The following NCAM1 variants were observed in gnomAD, a reference collection of about 807,000 sequenced individuals.
NCAM1 encodes antigen recognized by monoclonal antibody 5.1H11.
NCAM1 carries 14 observed loss-of-function variants against 109.8 expected under a neutral mutation model. The ratio of observed to expected loss-of-function variants is 0.13; its 90% CI spans 0.08 to 0.20. The LOEUF (loss-of-function observed/expected upper bound fraction) is 0.20. NCAM1 is among the 10% of genes least tolerant of loss of function. The pLI is 1.00. For missense variants in NCAM1, 774 were observed against 1,109.9 expected (o/e 0.70, Z 4.30); for synonymous variants, 418 against 442.9 (o/e 0.94, Z 0.70).
Position 113,154,716 on chromosome 11 carries a change from C to T in NCAM1, c.53-47663C>T, listed in dbSNP as rs1942348624. On this transcript the variant is annotated intron_variant, in intron 1 of 19. Transcript: ENST00000316851. ...GAAAGCTGAAGTTCATACCTGGTCACCTTACTTTCTTGATAAAGGAAGAAG... is the reference window on the plus strand; with the variant it reads ...GAAAGCTGAAGTTCATACCTGGTCATCTTACTTTCTTGATAAAGGAAGAAG... Among the ~76,000 whole-genome samples the T allele has an allele frequency of 2.6e-5, 4 of 152,114 alleles. No individual in the cohort carries two copies. In the South Asian group the frequency reaches 8.3e-4, roughly 32 times the overall value.
At chr11:112,972,266 A>G (rs7110628) in intron 1 of NCAM1, among the ~76,000 whole-genome samples, 21,300 of 152,138 alleles carry the variant, frequency 0.14, 1,536 homozygotes, top group African/African-American at 0.16. Flanking sequence ...GGAAGACTCA[A>G]AGATGGTAGT....
chr11:113,206,365 G>A (rs1555112884), intron 5 of NCAM1, among the ~76,000 whole-genome samples, 185 bp downstream of exon 5: 1 of 137,096 alleles, frequency 7.3e-6, no homozygotes, highest in Non-Finnish European at 1.5e-5. Context: ...TAATATACTT[G>A]CCTGTTGGAT....
intron 1 of NCAM1, among the ~76,000 whole-genome samples, chr11:113,169,786 C>A (rs1555105921): frequency 6.6e-6 from 1 of 152,026 alleles, no homozygotes; most frequent in African/African-American, 2.4e-5. Context: ...TGCCACATGT[C>A]CGCCTAATTT....
Position 113,255,945 on chromosome 11 carries a change from A to G in NCAM1, c.1897A>G (p.Ile633Val), listed in dbSNP as rs1945821344. Reference protein sequence around the residue: ...EDGNSIKVNLIKQDDGGSPIR... With the variant: ...EDGNSIKVNLVKQDDGGSPIR... The stretch of plus-strand genomic sequence containing the variant: ...TGGAAACTCTATTAAAGTGAACCTG[A>G]TCAAGCAGGATGACGGCGGCTCCCC... The change falls in exon 16 of 20, where the codon ATC becomes GTC. Residue 633 changes from isoleucine (I) to valine (V), a missense_variant. Physicochemically the swap from Ile to Val is conservative, Grantham distance 29. This residue lies in a region of NCAM1 where 523 missense variants were observed against 784.2 expected (regional missense o/e 0.67). Transcript: ENST00000316851. 1 of 1,609,476 alleles carries G rather than the reference A, an allele frequency of 6.2e-7. No individual in the cohort carries two copies. The highest frequency in any genetic ancestry group is 8.5e-7 in the Non-Finnish European group (1 of 1,178,102).
intron 1 of NCAM1, among the ~76,000 whole-genome samples, chr11:113,121,728 A>G (rs2005086): frequency 0.78 from 118,379 of 151,920 alleles, 46,316 homozygotes; most frequent in Middle Eastern, 0.9. Flanking sequence ...CTCCAGGAAA[A>G]TAGAATCAAC....
intron 1 of NCAM1, among the ~76,000 whole-genome samples, chr11:113,157,793 C>G (rs1942468294): frequency 6.6e-6 from 1 of 151,878 alleles, no homozygotes; most frequent in Non-Finnish European, 1.5e-5. Flanking sequence ...TTTATTTTTG[C>G]AAATTATTTT....
At chr11:113,177,879 T>C (rs1555107335) in intron 1 of NCAM1, among the ~76,000 whole-genome samples, 2 of 152,098 alleles carry the variant, frequency 1.3e-5, no homozygotes, top group Non-Finnish European at 2.9e-5. Flanking sequence ...CTCTTGCTTG[T>C]TACCGTCACA....
chr11:113,237,071 G>C (rs1945189150), intron 14 of NCAM1, among the ~76,000 whole-genome samples: 1 of 152,304 alleles, frequency 6.6e-6, no homozygotes, highest in East Asian at 1.9e-4. Context: ...GCATGCTAGG[G>C]AAGGGGAGAT....
intron 1 of NCAM1, among the ~76,000 whole-genome samples, chr11:113,009,322 T>TGTTGTTG (rs1213632298): frequency 1.5e-5 from 2 of 131,190 alleles, no homozygotes; most frequent in Non-Finnish European, 3.3e-5. Flanking sequence ...GTTTTTTTTT[T>TGTTGTTG]TTTTTTTTTT....
At chr11:113,054,633 T>C (rs1250396925) in intron 1 of NCAM1, among the ~76,000 whole-genome samples, 2 of 152,232 alleles carry the variant, frequency 1.3e-5, no homozygotes, top group Admixed American at 6.5e-5. Flanking sequence ...GTTTTCACTG[T>C]GAAGACTTTA....
At chr11:113,101,932 A>G (rs1479672759) in intron 1 of NCAM1, among the ~76,000 whole-genome samples, 2 of 152,212 alleles carry the variant, frequency 1.3e-5, no homozygotes, top group Non-Finnish European at 2.9e-5. Flanking sequence ...CTTTGTTTGC[A>G]TACATTAGGC....
chr11:113,055,904 A>G (rs1375259386), intron 1 of NCAM1, among the ~76,000 whole-genome samples: 10 of 149,200 alleles, frequency 6.7e-5, no homozygotes, highest in Admixed American at 2.0e-4. Flanking sequence ...TGTTTAATAT[A>G]GCACTATTCA....
rs1184143236 is a variant in NCAM1, at chr11:113,277,686, G to A, written c.*2299G>A. On this transcript the variant is annotated 3_prime_UTR_variant, in exon 20 of 20. Coordinates refer to ENST00000316851, the MANE Select transcript of NCAM1 (RefSeq NM_181351.5). ...AGGTCAAACTGGTTTTGGTTCTGAT[G>A]GTTAGGAAGAAACAGGTCAGCCCTC... 2 of 349,252 alleles carry A rather than the reference G, an allele frequency of 5.7e-6. No homozygotes were observed. The highest frequency in any genetic ancestry group is 4.7e-5 in the Admixed American group (1 of 21,054). 21.6% of individuals were successfully genotyped at this position (349,252 alleles called of 1,614,324 possible). A position where few individuals can be genotyped will look rare whatever the true frequency, so the allele number is the denominator to read the frequency against.
Position 113,235,064 on chromosome 11 carries a change from C to T in NCAM1, c.1725C>T (p.Gly575=). 6.4e-7 allele frequency: 1 copy of T among 1,572,686 alleles called. No homozygotes were observed. The highest frequency in any genetic ancestry group is 8.6e-7 in the Non-Finnish European group (1 of 1,158,930). The change falls in exon 14 of 20, where the codon GGC becomes GGT. Residue 575 remains glycine (G), a synonymous_variant. Transcript: ENST00000316851. ...TGGAGGGCATCGTCACCATCGTGGGCCTGAAGCCCGAAACAACGTACGCCG... is the reference window on the plus strand; with the variant it reads ...TGGAGGGCATCGTCACCATCGTGGGTCTGAAGCCCGAAACAACGTACGCCG... ...ASMEGIVTIV[G]LKPETTYAVR... is the part of the protein sequence containing the mutation.
intron 16 of NCAM1, among the ~76,000 whole-genome samples, chr11:113,258,340 G>C (rs1288470606): frequency 2.6e-5 from 4 of 152,222 alleles, no homozygotes; most frequent in Non-Finnish European, 5.9e-5. Context: ...TGGGCCCTTT[G>C]AGCAGCCCAC....
chr11:113,121,176 A>G (rs974066643), intron 1 of NCAM1, among the ~76,000 whole-genome samples: 2 of 150,964 alleles, frequency 1.3e-5, no homozygotes, highest in Non-Finnish European at 2.9e-5. Context: ...TCAGCATGTT[A>G]AAGTGCCATA....
chr11:113,039,966 C>T (rs1953016453), intron 1 of NCAM1, among the ~76,000 whole-genome samples: 1 of 152,048 alleles, frequency 6.6e-6, no homozygotes, highest in African/African-American at 2.4e-5. Flanking sequence ...CATGGCGAAA[C>T]CCCATCTCTA....
intron 1 of NCAM1, among the ~76,000 whole-genome samples, chr11:113,061,369 AT>A (rs375911032): frequency 2.4e-4 from 36 of 152,190 alleles, no homozygotes; most frequent in African/African-American, 8.7e-4. Context: ...TCTAAGTAAT[AT>A]TTTAATTGAA....
chr11:113,252,799 CTTTTTT>C (rs33948720), intron 15 of NCAM1, among the ~76,000 whole-genome samples: 2 of 39,704 alleles, frequency 5.0e-5, no homozygotes, highest in East Asian at 1.0e-3. Flanking sequence ...CTATGCCCAG[CTTTTTT>C]TTTTTTTTTT....
Sources: gnomAD v4.1 joint callset for allele counts (sites outside exome capture counted in the v4.1 genomes callset) on GRCh38, gnomAD v4.1.1 for gene constraint, gnomAD v4.1.1 regional missense constraint, MANE v1.5 for transcripts, NCBI Gene and HGNC (gene_info 2026-07-23, HGNC 2026-07-21) for gene names.